RALYL: variants seen among roughly 807,000 people sequenced by gnomAD.
RALYL encodes the protein RNA-binding Raly-like protein.
A neutral mutation model predicts 35.1 loss-of-function variants in RALYL; 29 were observed. The observed-to-expected ratio is 0.83, with a 90% CI of 0.61 to 1.13. The LOEUF (loss-of-function observed/expected upper bound fraction) is 1.13, where lower values mean the gene tolerates loss of function less well. RALYL is among the 50% of genes most tolerant of loss of function. The pLI is 0.00. For missense variants in RALYL, 359 were observed against 360.4 expected (o/e 1.00, Z 0.03); for synonymous variants, 120 against 127.6 (o/e 0.94, Z 0.40).
At chr8:84,259,526 TG>T (rs1406818622) in intron 1 of RALYL, among the ~76,000 whole-genome samples, 1 of 152,186 alleles carries the variant, frequency 6.6e-6, no homozygotes, top group East Asian at 1.9e-4. Flanking sequence ...GCATTAAATG[TG>T]AGACCAGAAT....
chr8:84,620,141 G>A (rs1205763315), intron 2 of RALYL, among the ~76,000 whole-genome samples: 1 of 152,134 alleles, frequency 6.6e-6, no homozygotes, highest in Admixed American at 6.5e-5. Flanking sequence ...ATGTTGGCCT[G>A]CCTTGCTAGA....
chr8:84,511,937 A>G (rs2057662635), intron 1 of RALYL, among the ~76,000 whole-genome samples: 1 of 152,096 alleles, frequency 6.6e-6, no homozygotes, highest in Non-Finnish European at 1.5e-5. Context: ...TTATCCATTC[A>G]TCTCTTGCTA....
intron 2 of RALYL, among the ~76,000 whole-genome samples, chr8:84,627,539 C>T (rs1277781040): frequency 6.7e-6 from 1 of 150,342 alleles, no homozygotes; most frequent in Non-Finnish European, 1.5e-5. Flanking sequence ...TTTCTTTCTT[C>T]CTGCAGAAGA....
At position 84,293,909 on chromosome 8, in the gene RALYL, C is replaced by CTTATG. The variant is rs558740734; in HGVS notation, c.-24+109486_-24+109487insTATGT. ...TTTCTTATGTATGAAATTCAGTTTT[C>CTTATG]TATTTTTCTTCTTGCAGCAGTCCTT... is the stretch of plus-strand genomic sequence containing the variant. On this transcript the variant is annotated intron_variant, in intron 1 of 8. Transcript: ENST00000521268. Among the ~76,000 whole-genome samples, 1,177 of 152,102 alleles carry CTTATG rather than the reference C, an allele frequency of 7.7e-3. 18 individuals carry two copies. Among genetic ancestry groups the CTTATG allele is most frequent in the African/African-American group, 0.027 (1,132 of 41,536 alleles).
chr8:84,606,534 C>T lies in RALYL; in HGVS notation c.256+76957C>T, dbSNP rs550748574. ...AACAGAAGACAACTTAATATGGAGT[C>T]TTTAATAATTTAGTTGAATATATTT... On this transcript the variant is annotated intron_variant, in intron 2 of 8. Coordinates refer to ENST00000521268, the MANE Select transcript of RALYL (RefSeq NM_173848.7). Among the ~76,000 whole-genome samples, 3 of 152,246 alleles carry T rather than the reference C, an allele frequency of 2.0e-5. No homozygotes were observed. In the East Asian group the frequency reaches 5.8e-4, roughly 29 times the overall value.
At chr8:84,415,898 A>G (rs908314405) in intron 1 of RALYL, among the ~76,000 whole-genome samples, 1 of 152,186 alleles carries the variant, frequency 6.6e-6, no homozygotes, top group East Asian at 1.9e-4. Context: ...AATCTCTAAC[A>G]CACTTGTCAG....
chr8:84,625,465 T>C (rs1373367782), intron 2 of RALYL, among the ~76,000 whole-genome samples: 1 of 152,152 alleles, frequency 6.6e-6, no homozygotes, highest in Non-Finnish European at 1.5e-5. Flanking sequence ...CCAAACATTA[T>C]AGAGAGAGTG....
At position 84,869,888 on chromosome 8, in the gene RALYL, A is replaced by G. The variant is rs117092704; in HGVS notation, c.572-3396A>G. Among the ~76,000 whole-genome samples the G allele has an allele frequency of 1.6e-3, 249 of 152,294 alleles. 10 individuals are homozygous for G. In the East Asian group the frequency reaches 0.043, roughly 26 times the overall value. On this transcript the variant is annotated intron_variant, in intron 6 of 8. Transcript: ENST00000521268. ...GTGTGCCTAATATTCTTTTTGGATT[A>G]TATCTTATGTCACAGCAGAAGGCAC...
chr8:84,630,208 A>G (rs1239924347), intron 2 of RALYL, among the ~76,000 whole-genome samples: 2 of 152,046 alleles, frequency 1.3e-5, no homozygotes, highest in African/African-American at 4.8e-5. Context: ...CTGAAAATGG[A>G]ATATTTGACA....
At position 84,862,498 on chromosome 8, in the gene RALYL, A is replaced by T. The variant is rs1838313847; in HGVS notation, c.571+45A>T. The T allele has an allele frequency of 8.4e-6, 12 of 1,427,466 alleles. No homozygotes were observed. In the East Asian group the frequency reaches 3.1e-4, roughly 36 times the overall value. 88.4% of individuals were successfully genotyped at this position (1,427,466 alleles called of 1,614,324 possible). On this transcript the variant is annotated intron_variant, in intron 6 of 8. Coordinates refer to ENST00000521268, the MANE Select transcript of RALYL (RefSeq NM_173848.7). ...TTATTTCTCTTTAAAGAAGGGAGTGATTAACTATCATTGCACGAATGCCTA... is the reference window on the plus strand; with the variant it reads ...TTATTTCTCTTTAAAGAAGGGAGTGTTTAACTATCATTGCACGAATGCCTA...
At chr8:84,596,061 G>T (rs183917913) in intron 2 of RALYL, among the ~76,000 whole-genome samples, 58 of 152,178 alleles carry the variant, frequency 3.8e-4, no homozygotes, top group African/African-American at 1.3e-3. Flanking sequence ...TATTCTATGA[G>T]TTTACTATCA....
intron 1 of RALYL, among the ~76,000 whole-genome samples, chr8:84,257,093 TGATAA>T (rs943208035): frequency 1.3e-5 from 2 of 151,978 alleles, no homozygotes; most frequent in Non-Finnish European, 2.9e-5. Flanking sequence ...ATAAATATAC[TGATAA>T]GATATTTATT....
chr8:84,573,113 A>C (rs1808430861), intron 2 of RALYL, among the ~76,000 whole-genome samples: 1 of 151,328 alleles, frequency 6.6e-6, no homozygotes, highest in African/African-American at 2.4e-5. Context: ...TATATTATTA[A>C]CACAATATAT....
At chr8:84,447,622 C>A (rs1487535045) in intron 1 of RALYL, among the ~76,000 whole-genome samples, 1 of 152,026 alleles carries the variant, frequency 6.6e-6, no homozygotes, top group Admixed American at 6.6e-5. Context: ...TCATTTACAT[C>A]AAAAATATTT....
chr8:84,457,580 A>G (rs911910778), intron 1 of RALYL, among the ~76,000 whole-genome samples: 20 of 151,922 alleles, frequency 1.3e-4, no homozygotes, highest in African/African-American at 4.8e-4. Context: ...GTTCTGTATG[A>G]CATCATTGTA....
chr8:84,280,680 A>G (rs1724167657), intron 1 of RALYL, among the ~76,000 whole-genome samples: 1 of 151,416 alleles, frequency 6.6e-6, no homozygotes, highest in Non-Finnish European at 1.5e-5. Flanking sequence ...TAAGTACATC[A>G]TAGCTTAGCT....
intron 1 of RALYL, among the ~76,000 whole-genome samples, chr8:84,252,612 G>A (rs898456609): frequency 1.1e-4 from 16 of 152,214 alleles, no homozygotes; most frequent in South Asian, 2.1e-4. Context: ...GATAGCTAGC[G>A]TTCCTGTAGA....
chr8:84,604,520 G>A (rs190072647), intron 2 of RALYL, among the ~76,000 whole-genome samples: 1 of 152,204 alleles, frequency 6.6e-6, no homozygotes, highest in Non-Finnish European at 1.5e-5. Flanking sequence ...CCGGCAGGGT[G>A]GGCTGTACTT....
At chr8:84,475,992 C>T (rs1187137262) in intron 1 of RALYL, among the ~76,000 whole-genome samples, 2 of 152,128 alleles carry the variant, frequency 1.3e-5, no homozygotes, top group Non-Finnish European at 2.9e-5. Context: ...ATAGTAATAA[C>T]AGGCATTCAT....
Sources: gnomAD v4.1 joint callset for allele counts (sites outside exome capture counted in the v4.1 genomes callset) on GRCh38, gnomAD v4.1.1 for gene constraint, MANE v1.5 for transcripts, NCBI Gene and HGNC (gene_info 2026-07-23, HGNC 2026-07-21) for gene names.